ACOT1: variants seen among roughly 807,000 people sequenced by gnomAD.
ACOT1 encodes the protein acyl-coenzyme A thioesterase 1.
In ACOT1, 8 loss-of-function variants were observed where a neutral mutation model predicts 15.7. The ratio of observed to expected loss-of-function variants is 0.51; its 90% CI spans 0.30 to 0.92. ACOT1 has a LOEUF of 0.92. ACOT1 is among the 40% of genes least tolerant of loss of function. ACOT1 has a pLI of 0.06. For synonymous variants in ACOT1, 67 were observed against 241.2 expected (o/e 0.28, Z 6.69); for missense variants, 151 against 539.4 (o/e 0.28, Z 7.13).
At chr14:73,524,293 C>CAAAAAAAAAA in the ACOT1 span, among the ~76,000 whole-genome samples, 4 of 56,656 alleles carry the variant, frequency 7.1e-5, no homozygotes, top group African/African-American at 9.3e-5. Context: ...AACTCCGTCT[C>CAAAAAAAAAA]AAAAAAAAAA....
upstream of ACOT1, among the ~76,000 whole-genome samples, chr14:73,535,469 C>CT (rs869167008): frequency 1.5e-3 from 25 of 16,534 alleles, 3 homozygotes; most frequent in Non-Finnish European, 3.6e-3. Flanking sequence ...TTTCTTCTTT[C>CT]TTTTTTTTTT....
chr14:73,499,515 A>T, the ACOT1 span, among the ~76,000 whole-genome samples: 1 of 152,078 alleles, frequency 6.6e-6, no homozygotes, highest in Non-Finnish European at 1.5e-5. Context: ...CAAAAGAATG[A>T]ATCAGAAACA....
chr14:73,509,816 A>G, the ACOT1 span, among the ~76,000 whole-genome samples: 1 of 3,660 alleles, frequency 2.7e-4, no homozygotes, highest in Non-Finnish European at 4.7e-4. Flanking sequence ...GAGCCCATAT[A>G]TATATATATA....
At chr14:73,511,613 G>A in the ACOT1 span, among the ~76,000 whole-genome samples, 1 of 151,850 alleles carries the variant, frequency 6.6e-6, no homozygotes, top group African/African-American at 2.4e-5. Context: ...AGTGGCTCAC[G>A]CCTGTAATCC....
At chr14:73,500,456 C>T in the ACOT1 span, 1 of 1,280,192 alleles carries the variant, frequency 7.8e-7, no homozygotes, top group Non-Finnish European at 1.1e-6. Flanking sequence ...ATTCTGTGTC[C>T]CCACAGAATG....
the ACOT1 span, chr14:73,491,057 G>C: frequency 1.3e-6 from 2 of 1,590,370 alleles, no homozygotes; most frequent in Non-Finnish European, 1.7e-6. Flanking sequence ...GTTGAGGCGC[G>C]GGCGGCCGAA....
At chr14:73,522,472 C>G in the ACOT1 span, 1 of 1,614,186 alleles carries the variant, frequency 6.2e-7, no homozygotes, top group East Asian at 2.2e-5. Flanking sequence ...TGGGGGATGC[C>G]CCAGGCCTTC....
chr14:73,525,970 C>T, the ACOT1 span, among the ~76,000 whole-genome samples: 1 of 144,158 alleles, frequency 6.9e-6, no homozygotes, highest in African/African-American at 2.5e-5. Context: ...AAAAAAAAAG[C>T]ATCTTCATAA....
upstream of ACOT1, among the ~76,000 whole-genome samples, chr14:73,535,458 TTTTCTTC>T (rs869052351): frequency 1.5e-5 from 1 of 65,396 alleles, no homozygotes; most frequent in African/African-American, 4.5e-5. Context: ...TTTCTTTTCT[TTTTCTTC>T]TTTCTTTTTT....
chr14:73,517,032 T>G, the ACOT1 span, among the ~76,000 whole-genome samples: 3 of 152,098 alleles, frequency 2.0e-5, no homozygotes, highest in Non-Finnish European at 4.4e-5. Flanking sequence ...ATCCCAGCAC[T>G]TTGTTTGGGA....
chr14:73,543,309 G>A lies in ACOT1; in HGVS notation c.920G>A (p.Ser307Asn). 2 of 1,566,676 alleles carry A rather than the reference G, an allele frequency of 1.3e-6. No homozygotes were observed. Among genetic ancestry groups the A allele is most frequent in the South Asian group, 1.1e-5 (1 of 89,268 alleles). The change falls in exon 3 of 3, where the codon AGC becomes AAC. Residue 307 changes from serine (S) to asparagine (N), a missense_variant. Transcript: ENST00000311148. The stretch of plus-strand genomic sequence containing the variant: ...CCTTTGGAAGGACCTGACCAGAAGA[G>A]CTTCATTCCTGTGGAAAGGGCAGAG... Reference protein sequence around the residue: ...NSPLEGPDQKSFIPVERAEST... With the variant: ...NSPLEGPDQKNFIPVERAEST...
chr14:73,508,135 G>C, the ACOT1 span: 2 of 1,613,814 alleles, frequency 1.2e-6, no homozygotes, highest in Admixed American at 3.3e-5. Flanking sequence ...GACACATACT[G>C]TCTTCTCACT....
chr14:73,524,704 C>T, the ACOT1 span, among the ~76,000 whole-genome samples: 5 of 150,704 alleles, frequency 3.3e-5, no homozygotes, highest in Admixed American at 3.3e-4. Context: ...AACCTCCGTG[C>T]CACACTGGCC....
chr14:73,509,388 T>C, the ACOT1 span: 3 of 1,614,146 alleles, frequency 1.9e-6, no homozygotes, highest in Admixed American at 3.3e-5. Flanking sequence ...ATATTGCTGC[T>C]GCCATCCGCA....
At chr14:73,514,952 C>A in the ACOT1 span, among the ~76,000 whole-genome samples, 1 of 151,814 alleles carries the variant, frequency 6.6e-6, no homozygotes, top group Non-Finnish European at 1.5e-5. Flanking sequence ...CTTGTAGTCT[C>A]AGCTACTTGA....
chr14:73,501,837 T>G, the ACOT1 span, among the ~76,000 whole-genome samples: 1 of 151,700 alleles, frequency 6.6e-6, no homozygotes, highest in Non-Finnish European at 1.5e-5. Flanking sequence ...CACTGCAAGC[T>G]CCAACTCCCA....
At chr14:73,515,525 C>G in the ACOT1 span, among the ~76,000 whole-genome samples, 6 of 151,828 alleles carry the variant, frequency 4.0e-5, no homozygotes, top group East Asian at 9.7e-4. Flanking sequence ...ACTAAAAATA[C>G]AAAAATTTGC....
the ACOT1 span, chr14:73,520,880 G>C: frequency 6.2e-7 from 1 of 1,614,072 alleles, no homozygotes; most frequent in Non-Finnish European, 8.5e-7. Flanking sequence ...CAAAGGTGTT[G>C]TCTGTGGAGT....
chr14:73,492,999 C>CTTTT, the ACOT1 span: 1,493 of 1,457,250 alleles, frequency 1.0e-3, 2 homozygotes, highest in Middle Eastern at 1.4e-3. The surrounding 1 kb of genome is among the most constrained non-coding windows in gnomAD (Gnocchi z 4.9). Flanking sequence ...CCACTGCTAC[C>CTTTT]TTTTTTTTTT....
Sources: gnomAD v4.1 joint callset for allele counts (sites outside exome capture counted in the v4.1 genomes callset) on GRCh38, gnomAD v4.1.1 for gene constraint, Gnocchi (gnomAD v3.1) non-coding constraint, MANE v1.5 for transcripts, NCBI Gene and HGNC (gene_info 2026-07-23, HGNC 2026-07-21) for gene names.